Variants in CACNA2D3 observed in about 807,000 individuals in gnomAD.
CACNA2D3 encodes voltage-dependent calcium channel subunit alpha-2/delta-3.
In CACNA2D3, 60 loss-of-function variants were observed where a neutral mutation model predicts 160.6. The observed-to-expected ratio is 0.37, with a 90% CI of 0.30 to 0.46. The LOEUF is 0.46. Among genes scored for constraint, CACNA2D3 ranks in the 20% least tolerant of loss-of-function variants. The pLI, the probability that CACNA2D3 is intolerant of heterozygous loss-of-function variation, is 1.00. For synonymous variants in CACNA2D3, 558 were observed against 492.9 expected (o/e 1.13, Z -1.75); for missense variants, 1,205 against 1,365.0 (o/e 0.88, Z 1.85).
rs376322113 is a variant in CACNA2D3, at chr3:54,348,154, A to G, written c.321+27596A>G. The stretch of plus-strand genomic sequence containing the variant: ...CCAAGGTGTCAGCCAGGAATTAAAC[A>G]TTCACTTCCTGACAGTAATCCAGTT... On this transcript the variant is annotated intron_variant, in intron 3 of 37. Transcript: ENST00000474759. 3.6e-4 allele frequency among the ~76,000 whole-genome samples: 55 copies of G among 152,336 alleles called. No individual in the cohort carries two copies. The East Asian group carries it at 4.8e-3, about 13-fold the overall frequency.
At chr3:55,018,989 C>A (rs1394933406) in intron 35 of CACNA2D3, among the ~76,000 whole-genome samples, 1 of 147,348 alleles carries the variant, frequency 6.8e-6, no homozygotes, top group Non-Finnish European at 1.5e-5. Flanking sequence ...TACTGTGTTG[C>A]CTGGGCTGGT....
Position 55,073,762 on chromosome 3 carries a change from T to C in CACNA2D3, c.3101-15T>C. 1 of 1,607,822 alleles carries C rather than the reference T, an allele frequency of 6.2e-7. No homozygotes were observed. Among genetic ancestry groups the C allele is most frequent in the African/African-American group, 1.3e-5 (1 of 74,868 alleles). ...AAAAAGCAATCCTTGGAAACATGCC[T>C]TAACTACAGTCAACATAATGAATCC... On this transcript the variant is annotated splice_polypyrimidine_tract_variant and intron_variant, in intron 36 of 37. Coordinates refer to ENST00000474759, the MANE Select transcript of CACNA2D3 (RefSeq NM_018398.3).
chr3:54,174,772 G>A (rs1453232151), intron 2 of CACNA2D3, among the ~76,000 whole-genome samples: 4 of 152,178 alleles, frequency 2.6e-5, no homozygotes, highest in African/African-American at 7.2e-5. Context: ...TGATCCACCC[G>A]CCTTGGCCTC....
intron 11 of CACNA2D3, among the ~76,000 whole-genome samples, chr3:54,694,637 C>T (rs557458480): frequency 4.5e-4 from 68 of 152,138 alleles, no homozygotes; most frequent in Admixed American, 9.2e-4. Context: ...TTGCATTCAA[C>T]ATACTCAAAA....
chr3:54,426,293 A>G (rs1402248217), intron 4 of CACNA2D3, among the ~76,000 whole-genome samples: 5 of 152,204 alleles, frequency 3.3e-5, no homozygotes, highest in African/African-American at 4.8e-5. Context: ...ATGCCATAAA[A>G]TAGCAGTAAT....
intron 2 of CACNA2D3, among the ~76,000 whole-genome samples, chr3:54,165,350 C>T (rs908477770): frequency 4.0e-5 from 6 of 151,840 alleles, no homozygotes; most frequent in Admixed American, 3.9e-4. Context: ...ACTAGCTTAC[C>T]CTAAACTTCA....
chr3:54,824,344 G>A (rs1000647362), intron 14 of CACNA2D3, among the ~76,000 whole-genome samples: 3 of 152,208 alleles, frequency 2.0e-5, no homozygotes, highest in African/African-American at 7.2e-5. Flanking sequence ...CCCAACATGA[G>A]CCTCAGTCAG....
intron 4 of CACNA2D3, among the ~76,000 whole-genome samples, chr3:54,414,764 C>T (rs1165465360): frequency 6.7e-6 from 1 of 149,878 alleles, no homozygotes; most frequent in Non-Finnish European, 1.5e-5. Flanking sequence ...TGAATTCTTT[C>T]CTACCAAAGT....
chr3:54,569,127 A>T (rs9836420), intron 6 of CACNA2D3, among the ~76,000 whole-genome samples: 38,895 of 152,136 alleles, frequency 0.26, 5,440 homozygotes, highest in Middle Eastern at 0.39. Flanking sequence ...ACTAAGTTGG[A>T]TATATCCTGA....
intron 11 of CACNA2D3, among the ~76,000 whole-genome samples, chr3:54,710,195 G>A (rs1047654452): frequency 6.6e-6 from 1 of 152,148 alleles, no homozygotes; most frequent in African/African-American, 2.4e-5. Flanking sequence ...AAATAAATAA[G>A]CAAACCCCAA....
chr3:54,833,196 G>A (rs991575683), intron 14 of CACNA2D3, among the ~76,000 whole-genome samples: 10 of 152,202 alleles, frequency 6.6e-5, no homozygotes, highest in Non-Finnish European at 1.3e-4. Context: ...TCCCCATTAT[G>A]TAGCATGGGA....
chr3:54,185,559 T>TA (rs1700866421), intron 2 of CACNA2D3, among the ~76,000 whole-genome samples: 1 of 152,202 alleles, frequency 6.6e-6, no homozygotes, highest in Admixed American at 6.5e-5. Context: ...TTCACGAACA[T>TA]ATTATTCTAT....
At chr3:54,176,905 T>G (rs1700690575) in intron 2 of CACNA2D3, among the ~76,000 whole-genome samples, 1 of 152,096 alleles carries the variant, frequency 6.6e-6, no homozygotes, top group Non-Finnish European at 1.5e-5. Flanking sequence ...CAGTGTGGCA[T>G]TAGGGAGCTG....
At position 54,500,402 on chromosome 3, in the gene CACNA2D3, T is replaced by G. The variant is rs959649942; in HGVS notation, c.382-3090T>G. On this transcript the variant is annotated intron_variant, in intron 4 of 37. Transcript: ENST00000474759. ...TTATTCCATGCTCATTCAAGGTGAT[T>G]ATTGATATAGTTGGATTTATATGTA... Among the ~76,000 whole-genome samples, 10 of 152,116 alleles carry G rather than the reference T, an allele frequency of 6.6e-5. 1 individual carries two copies. The highest frequency in any genetic ancestry group is 6.6e-4 in the Admixed American group (10 of 15,266).
intron 24 of CACNA2D3, among the ~76,000 whole-genome samples, chr3:54,889,684 A>C (rs1700010494): frequency 6.6e-6 from 1 of 152,202 alleles, no homozygotes; most frequent in Non-Finnish European, 1.5e-5. Context: ...GCTGTTTAGT[A>C]TGCAAATCTG....
intron 4 of CACNA2D3, among the ~76,000 whole-genome samples, chr3:54,408,692 A>G (rs1699616788): frequency 6.6e-6 from 1 of 152,188 alleles, no homozygotes; most frequent in Non-Finnish European, 1.5e-5. Flanking sequence ...ATGAATTATT[A>G]ATAAGAGCCA....
chr3:54,735,219 C>T (rs1458363631), intron 11 of CACNA2D3, among the ~76,000 whole-genome samples: 1 of 152,222 alleles, frequency 6.6e-6, no homozygotes, highest in African/African-American at 2.4e-5. Context: ...TCCCCTAGCA[C>T]TTTTGGGGTC....
intron 3 of CACNA2D3, among the ~76,000 whole-genome samples, chr3:54,361,734 A>G (rs937711213): frequency 6.6e-6 from 1 of 152,194 alleles, no homozygotes; most frequent in Non-Finnish European, 1.5e-5. Flanking sequence ...TTTGTCTGGT[A>G]TAATGGGAAT....
intron 3 of CACNA2D3, among the ~76,000 whole-genome samples, chr3:54,361,980 G>A (rs893911646): frequency 6.6e-6 from 1 of 152,306 alleles, no homozygotes; most frequent in African/African-American, 2.4e-5. Context: ...ATCAACATGA[G>A]CGTTAACAGC....
Sources: gnomAD v4.1 joint callset for allele counts (sites outside exome capture counted in the v4.1 genomes callset) on GRCh38, gnomAD v4.1.1 for gene constraint, MANE v1.5 for transcripts, NCBI Gene and HGNC (gene_info 2026-07-23, HGNC 2026-07-21) for gene names.